The following MARCHF1 variants were observed in gnomAD, a reference collection of about 807,000 sequenced individuals.
MARCHF1 encodes the protein membrane associated ring-CH-type finger 1.
In MARCHF1, 40 loss-of-function variants were observed where a neutral mutation model predicts 54.2. The ratio of observed to expected loss-of-function variants is 0.74; its 90% confidence interval spans 0.57 to 0.96. The LOEUF is 0.96. MARCHF1 is among the 40% of genes least tolerant of loss of function. MARCHF1 has a pLI of 0.00. For missense variants in MARCHF1, 586 were observed against 656.5 expected (o/e 0.89, Z 1.17); for synonymous variants, 236 against 236.3 (o/e 1.00, Z 0.01).
Position 163,950,312 on chromosome 4 carries a change from G to A in MARCHF1, c.-39+38189C>T, listed in dbSNP as rs538941767. Among the ~76,000 whole-genome samples the A allele has an allele frequency of 5.9e-5, 9 of 152,334 alleles. No homozygotes were observed. The East Asian group carries it at 1.7e-3, about 29-fold the overall frequency. ...TGCCCAAAGTCCAGAGGGGGCCAAGGTGGCAGGGGACTGGCGTGTCAGTGC... is the reference window on the plus strand; with the variant it reads ...TGCCCAAAGTCCAGAGGGGGCCAAGATGGCAGGGGACTGGCGTGTCAGTGC... On this transcript the variant is annotated intron_variant, in intron 3 of 9. Coordinates refer to ENST00000514618, the MANE Select transcript of MARCHF1 (RefSeq NM_001394959.1).
intron 2 of MARCHF1, among the ~76,000 whole-genome samples, chr4:164,065,509 C>A (rs1301335195): frequency 6.6e-6 from 1 of 152,138 alleles, no homozygotes; most frequent in Non-Finnish European, 1.5e-5. Context: ...AGATGACCTA[C>A]AGAATGGAGG....
chr4:163,739,585 T>C (rs1318983777), intron 4 of MARCHF1, among the ~76,000 whole-genome samples: 1 of 152,186 alleles, frequency 6.6e-6, no homozygotes, highest in Non-Finnish European at 1.5e-5. Flanking sequence ...TTACAAGTTT[T>C]AACGAACACT....
In MARCHF1 at chr4:163,655,182, A is replaced by G. The variant is rs549600509; in HGVS notation, c.163-41789T>C. Among the ~76,000 whole-genome samples, 245 of 151,810 alleles carry G rather than the reference A, an allele frequency of 1.6e-3. 1 individual carries two copies. The highest frequency in any genetic ancestry group is 2.8e-3 in the Non-Finnish European group (193 of 67,770). The stretch of plus-strand genomic sequence containing the variant: ...ATTATTATTTTTGCTACTGTCTTAC[A>G]ATAGATGATTTATTTTTAGCTTTAC... On this transcript the variant is annotated intron_variant, in intron 5 of 9. Coordinates refer to ENST00000514618, the MANE Select transcript of MARCHF1 (RefSeq NM_001394959.1).
intron 1 of MARCHF1, among the ~76,000 whole-genome samples, chr4:164,246,910 C>T (rs933581976): frequency 9.2e-6 from 1 of 108,192 alleles, no homozygotes; most frequent in African/African-American, 3.3e-5. Context: ...CAATGAGATA[C>T]CATCTCACAC....
intron 3 of MARCHF1, among the ~76,000 whole-genome samples, chr4:163,926,504 T>C (rs749919602): frequency 1.3e-5 from 2 of 151,636 alleles, no homozygotes; most frequent in African/African-American, 2.4e-5. Flanking sequence ...CAATACATAG[T>C]AATGGAATTT....
intron 1 of MARCHF1, among the ~76,000 whole-genome samples, chr4:164,313,744 C>T (rs1734927973): frequency 6.6e-6 from 1 of 152,176 alleles, no homozygotes; most frequent in South Asian, 2.1e-4. Flanking sequence ...GATTTCCTAA[C>T]TCAGTGGATG....
intron 5 of MARCHF1, among the ~76,000 whole-genome samples, chr4:163,620,690 G>GA (rs2110958131): frequency 6.6e-6 from 1 of 150,916 alleles, no homozygotes; most frequent in South Asian, 2.1e-4. Context: ...ATTTTTAGGA[G>GA]AAAAATAAAG....
intron 3 of MARCHF1, among the ~76,000 whole-genome samples, chr4:163,930,551 T>C (rs529853311): frequency 2.6e-4 from 40 of 151,910 alleles, no homozygotes; most frequent in African/African-American, 9.4e-4. Flanking sequence ...GCCCAGATAT[T>C]CAGTCAAACT....
intron 2 of MARCHF1, among the ~76,000 whole-genome samples, chr4:164,041,947 C>G (rs1579484258): frequency 1.3e-5 from 2 of 152,066 alleles, no homozygotes; most frequent in Admixed American, 1.3e-4. Flanking sequence ...TTTAAATGAT[C>G]AATCCAGGCT....
At chr4:163,594,230 A>G (rs1257376425) in intron 7 of MARCHF1, among the ~76,000 whole-genome samples, 2 of 152,156 alleles carry the variant, frequency 1.3e-5, no homozygotes, top group Non-Finnish European at 2.9e-5. Flanking sequence ...TAGGCATAGA[A>G]GATGTTTTCA....
At chr4:164,287,196 T>C (rs1734173081) in intron 1 of MARCHF1, among the ~76,000 whole-genome samples, 1 of 151,202 alleles carries the variant, frequency 6.6e-6, no homozygotes, top group Non-Finnish European at 1.5e-5. Context: ...AAAGGTCATT[T>C]GTCTCTCAGG....
chr4:164,010,082 T>C (rs1753385437), intron 2 of MARCHF1, among the ~76,000 whole-genome samples: 2 of 149,440 alleles, frequency 1.3e-5, no homozygotes, highest in Middle Eastern at 3.4e-3. Context: ...TTTTTTTTTT[T>C]TTTAGGCGGA....
In MARCHF1 at chr4:164,171,889, A is replaced by G. The variant is rs200032110; in HGVS notation, c.-322-60227T>C. Among the ~76,000 whole-genome samples the G allele has an allele frequency of 7.2e-5, 11 of 152,332 alleles. No homozygotes were observed. The East Asian group carries it at 1.9e-3, about 27-fold the overall frequency. The stretch of plus-strand genomic sequence containing the variant: ...AATCCAATATTTCTTTCATTTTTCA[A>G]TTATTCTATTAAGAATGACATTTTG... On this transcript the variant is annotated intron_variant, in intron 1 of 9. Coordinates refer to ENST00000514618, the MANE Select transcript of MARCHF1 (RefSeq NM_001394959.1).
At chr4:163,896,544 T>A (rs1750810376) in intron 3 of MARCHF1, among the ~76,000 whole-genome samples, 1 of 152,180 alleles carries the variant, frequency 6.6e-6, no homozygotes, top group South Asian at 2.1e-4. Context: ...TCTCCAATTG[T>A]CCCTCTACGA....
intron 2 of MARCHF1, among the ~76,000 whole-genome samples, chr4:164,031,253 T>C: frequency 6.6e-6 from 1 of 152,188 alleles, no homozygotes; most frequent in Non-Finnish European, 1.5e-5. Context: ...TTTGTCCAGT[T>C]CTAGATTTTC....
intron 4 of MARCHF1, among the ~76,000 whole-genome samples, chr4:163,707,418 T>C (rs1221588804): frequency 6.6e-6 from 1 of 151,424 alleles, no homozygotes. Context: ...AAACAGAAAT[T>C]CACAAAAAAA....
rs1025072351 is a variant in MARCHF1, at chr4:163,715,969, G to T, written c.112-15106C>A. Among the ~76,000 whole-genome samples the T allele has an allele frequency of 1.3e-4, 20 of 152,220 alleles. No homozygotes were observed. In the South Asian group the frequency reaches 1.5e-3, roughly 11 times the overall value. ...AAAATTTTTGACAAACATAAAAAAC[G>T]TAAAGTACAGAATTTTCATCAAGAT... On this transcript the variant is annotated intron_variant, in intron 4 of 9. Coordinates refer to ENST00000514618, the MANE Select transcript of MARCHF1 (RefSeq NM_001394959.1).
intron 1 of MARCHF1, among the ~76,000 whole-genome samples, chr4:164,206,266 G>A (rs888360720): frequency 1.3e-5 from 2 of 151,956 alleles, no homozygotes; most frequent in Non-Finnish European, 2.9e-5. Flanking sequence ...GCGAAATCCC[G>A]TCTCTACTAA....
intron 2 of MARCHF1, among the ~76,000 whole-genome samples, chr4:164,037,283 A>C (rs1159144666): frequency 1.3e-5 from 2 of 152,208 alleles, no homozygotes; most frequent in African/African-American, 4.8e-5. Flanking sequence ...TATAGGTGAT[A>C]TTTAAAGTCA....
Sources: gnomAD v4.1 joint callset for allele counts (sites outside exome capture counted in the v4.1 genomes callset) on GRCh38, gnomAD v4.1.1 for gene constraint, MANE v1.5 for transcripts, NCBI Gene and HGNC (gene_info 2026-07-23, HGNC 2026-07-21) for gene names.